Variants in GPR135 observed in about 807,000 individuals in gnomAD.
GPR135 encodes G-protein coupled receptor 135.
GPR135 carries 17 observed loss-of-function variants against 15.0 expected under a neutral mutation model. That is an observed-to-expected ratio of 1.13 (90% CI 0.78 to 1.70). The LOEUF is 1.70. Among genes scored for constraint, GPR135 ranks in the 40% most tolerant of loss-of-function variants. The pLI is 0.00. For synonymous variants in GPR135, 368 were observed against 349.4 expected, an observed-to-expected ratio of 1.05 and a Z score of -0.59; for missense variants, 776 against 727.0, an observed-to-expected ratio of 1.07 and a Z score of -0.78.
chr14:59,454,792 A>G (rs1888599899), intron 6 of GPR135, among the ~76,000 whole-genome samples: 1 of 152,144 alleles, frequency 6.6e-6, no homozygotes. Flanking sequence ...TTCAGGTTGG[A>G]TGAGAGGAGC....
rs2139774969 is a variant in GPR135, at chr14:59,463,684, C to G, written c.*58G>C. 3.4e-6 allele frequency: 5 copies of G among 1,457,190 alleles called. No individual in the cohort carries two copies. In the East Asian group the frequency reaches 1.2e-4, roughly 34 times the overall value. 90.3% of individuals were successfully genotyped at this position (1,457,190 alleles called of 1,614,324 possible). A position where few individuals can be genotyped will look rare whatever the true frequency, so the allele number is the denominator to read the frequency against. The stretch of plus-strand genomic sequence containing the variant: ...ATCCACAACTCTCCCCCAGAATCTT[C>G]CATCATTAAATAATGCGAGTGGAAA... On this transcript the variant is annotated 3_prime_UTR_variant, in exon 1 of 1. Transcript: ENST00000395116.
At chr14:59,457,351 T>C (rs568767122), downstream of GPR135, among the ~76,000 whole-genome samples, 1 of 152,202 alleles carries the variant, frequency 6.6e-6, no homozygotes, top group South Asian at 2.1e-4. Flanking sequence ...TGTAGATTAA[T>C]TTTTTTAAGA....
Position 59,463,566 on chromosome 14 carries a change from G to T in GPR135, c.*176C>A. 3.2e-6 allele frequency: 2 copies of T among 626,566 alleles called. No individual in the cohort carries two copies. Among genetic ancestry groups the T allele is most frequent in the Non-Finnish European group, 5.3e-6 (2 of 376,580 alleles). 38.8% of individuals were successfully genotyped at this position (626,566 alleles called of 1,614,324 possible). On this transcript the variant is annotated 3_prime_UTR_variant, in exon 1 of 1. Transcript: ENST00000395116. ...AATTTTTGCATTTTACATTCCTTTT[G>T]GCACTTTTGAAGAAGGGACATTGTC...
In GPR135 at chr14:59,465,149, C is replaced by CGCGGAGGGGGCGCCGGAGTGCTGGCT. The variant is rs1297143238; in HGVS notation, c.52_77dup (p.Gly28SerfsTer37). On this transcript the variant is annotated frameshift_variant, in exon 1 of 1. Coordinates refer to ENST00000395116, the MANE Select transcript of GPR135 (RefSeq NM_022571.6). LOFTEE classifies it high-confidence loss of function. ...AGGAAGTCCCGCCAGGTGGGCCGGC[C>CGCGGAGGGGGCGCCGGAGTGCTGGCT]GCGGAGGGGGCGCCGGAGTGCTGGC... 1 of 1,347,362 alleles carries CGCGGAGGGGGCGCCGGAGTGCTGGCT rather than the reference C, an allele frequency of 7.4e-7. No individual in the cohort carries two copies. Among genetic ancestry groups the CGCGGAGGGGGCGCCGGAGTGCTGGCT allele is most frequent in the Non-Finnish European group, 9.5e-7 (1 of 1,050,766 alleles). 83.5% of individuals were successfully genotyped at this position (1,347,362 alleles called of 1,614,324 possible).
At position 59,463,639 on chromosome 14, in the gene GPR135, TA is replaced by T; in HGVS notation, c.*102del. On this transcript the variant is annotated 3_prime_UTR_variant, in exon 1 of 1. Coordinates refer to ENST00000395116, the MANE Select transcript of GPR135 (RefSeq NM_022571.6). The stretch of plus-strand genomic sequence containing the variant: ...GGTAAGCCTCCCCCGTCTCTAGCTT[TA>T]AATGTTTGGCTTTATGAAATCCACA... 8.7e-7 allele frequency: 1 copy of T among 1,145,872 alleles called. No individual in the cohort carries two copies. Among genetic ancestry groups the T allele is most frequent in the Non-Finnish European group, 1.2e-6 (1 of 819,936 alleles). The allele number at this position is 1,145,872 out of a possible 1,614,324, so 71.0% of individuals were successfully genotyped here. A position where few individuals can be genotyped will look rare whatever the true frequency, so the allele number is the denominator to read the frequency against.
chr14:59,454,007 T>TG (rs1888572421), intron 6 of GPR135, among the ~76,000 whole-genome samples: 1 of 152,088 alleles, frequency 6.6e-6, no homozygotes, highest in Admixed American at 6.5e-5. Flanking sequence ...GGGCCAACTA[T>TG]GATGTGATAA....
At position 59,462,760 on chromosome 14, in the gene GPR135, G is replaced by T. The variant is rs1888913629; in HGVS notation, c.*982C>A. On this transcript the variant is annotated 3_prime_UTR_variant, in exon 1 of 1. Coordinates refer to ENST00000395116, the MANE Select transcript of GPR135 (RefSeq NM_022571.6). The stretch of plus-strand genomic sequence containing the variant: ...AAACCCAACCTTGTTGTTTTATAGA[G>T]GTCTCATTTTAAAAAATAATAAAAA... The T allele has an allele frequency of 6.6e-6, 1 of 152,032 alleles. No individual in the cohort carries two copies. Among genetic ancestry groups the T allele is most frequent in the South Asian group, 2.1e-4 (1 of 4,816 alleles). 9.4% of individuals were successfully genotyped at this position (152,032 alleles called of 1,614,324 possible). A position where few individuals can be genotyped will look rare whatever the true frequency, so the allele number is the denominator to read the frequency against.
At chr14:59,457,541 C>T (rs1284284385), downstream of GPR135, among the ~76,000 whole-genome samples, 1 of 152,068 alleles carries the variant, frequency 6.6e-6, no homozygotes, top group Non-Finnish European at 1.5e-5. Flanking sequence ...CTTACATAAT[C>T]TCTATTGAAC....
Position 59,463,990 on chromosome 14 carries a change from C to T in GPR135, c.1237G>A (p.Ala413Thr). The T allele has an allele frequency of 9.3e-6, 15 of 1,614,004 alleles. No individual in the cohort carries two copies. Among genetic ancestry groups the T allele is most frequent in the South Asian group, 4.4e-5 (4 of 91,090 alleles). The part of the protein sequence containing the change: ...EEGYRTRNVD[A>T]FLPSQGPGLQ... Reference sequence around the variant, plus strand: ...CCCGGGCCCTGGCTGGGCAGGAAAGCGTCCACATTCCTAGTCCGGTAGCCC... The same window carrying T: ...CCCGGGCCCTGGCTGGGCAGGAAAGTGTCCACATTCCTAGTCCGGTAGCCC... The change falls in exon 1 of 1, where the codon GCT (alanine) becomes ACT (threonine). Residue 413 changes from alanine to threonine, a missense_variant. Coordinates refer to ENST00000395116, the MANE Select transcript of GPR135 (RefSeq NM_022571.6).
Position 59,464,674 on chromosome 14 carries a change from C to T in GPR135, c.553G>A (p.Ala185Thr), listed in dbSNP as rs759264675. The T allele has an allele frequency of 3.2e-6, 5 of 1,584,170 alleles. No homozygotes were observed. Among genetic ancestry groups the T allele is most frequent in the Non-Finnish European group, 4.3e-6 (5 of 1,171,226 alleles). ...AAAGPWRGFC[A>T]ASRFFSSCFG... ...CACGAGCTGAAGAAGCGGCTGGCGGCGCAGAAGCCGCGCCAGGGCCCCGCG... is the reference window on the plus strand; with the variant it reads ...CACGAGCTGAAGAAGCGGCTGGCGGTGCAGAAGCCGCGCCAGGGCCCCGCG... Residue 185 changes from alanine (A) to threonine (T), a missense_variant, in exon 1 of 1, where the codon GCC becomes ACC. By Grantham distance (58) the Ala-to-Thr change is moderately conservative. Transcript: ENST00000395116.
downstream of GPR135, chr14:59,456,477 T>G (rs1319202491): frequency 6.6e-6 from 1 of 152,212 alleles, no homozygotes; most frequent in East Asian, 1.9e-4. Context: ...CTAAAATCAC[T>G]CTATTGGCAA....
In GPR135 at chr14:59,464,920, CT is replaced by C. The variant is rs1889073845; in HGVS notation, c.306del (p.Val103TrpfsTer22). ...EAAPLLSHGA[A>X]VAAQALVLLL... Reference sequence around the variant, plus strand: ...AGGAGGACGAGCGCCTGGGCCGCCACTGCAGCTCCGTGCGACAGCAGCGGCG... The same window carrying C: ...AGGAGGACGAGCGCCTGGGCCGCCACGCAGCTCCGTGCGACAGCAGCGGCG... On this transcript the variant is annotated frameshift_variant, in exon 1 of 1. Transcript: ENST00000395116. LOFTEE classifies it high-confidence loss of function. 3.1e-6 allele frequency: 5 copies of C among 1,591,606 alleles called. No individual in the cohort carries two copies. Among genetic ancestry groups the C allele is most frequent in the Non-Finnish European group, 4.3e-6 (5 of 1,171,418 alleles).
rs1186188742 is a variant in GPR135 at position 59,461,373 on chromosome 14, T to C, written c.*2369A>G. 1 of 152,190 alleles carries C rather than the reference T, an allele frequency of 6.6e-6. No individual in the cohort carries two copies. The highest frequency in any genetic ancestry group is 6.5e-5 in the Admixed American group (1 of 15,282). The allele number at this position is 152,190 out of a possible 1,614,324, so 9.4% of individuals were successfully genotyped here. The stretch of plus-strand genomic sequence containing the variant: ...ACTAAATAGTTGGATAGCCTTGGAT[T>C]AAAAACAAACAATTTAGAGCATTGT... On this transcript the variant is annotated 3_prime_UTR_variant, in exon 1 of 1. Transcript: ENST00000395116.
Position 59,464,472 on chromosome 14 carries a change from TC to T in GPR135, c.754del (p.Glu252AsnfsTer63). Reference protein sequence around the residue: ...LPWELLGAPRELAAAQSFHGC... With the variant: ...LPWELLGAPRXLAAAQSFHGC... ...GTGGAAGCTCTGCGCCGCCGCGAGT[TC>T]CCGGGGCGCCCCGAGCAGCTCCCAG... is the stretch of plus-strand genomic sequence containing the variant. On this transcript the variant is annotated frameshift_variant, in exon 1 of 1. Transcript: ENST00000395116. LOFTEE classifies it high-confidence loss of function. 1 of 1,545,856 alleles carries T rather than the reference TC, an allele frequency of 6.5e-7. No individual in the cohort carries two copies.
rs1325243776 is a variant in GPR135 at position 59,465,144 on chromosome 14, C to T, written c.83G>A (p.Gly28Asp). The T allele has an allele frequency of 1.5e-6, 2 of 1,354,080 alleles. No homozygotes were observed. The highest frequency in any genetic ancestry group is 1.9e-6 in the Non-Finnish European group (2 of 1,053,922). The allele number at this position is 1,354,080 out of a possible 1,614,324, so 83.9% of individuals were successfully genotyped here. A position where few individuals can be genotyped will look rare whatever the true frequency, so the allele number is the denominator to read the frequency against. The change falls in exon 1 of 1, where the codon GGC becomes GAC. Residue 28 changes from glycine (G) to aspartate (D), a missense_variant. By Grantham distance (94) the Gly-to-Asp change is moderately conservative. Transcript: ENST00000395116. ...CGCGGAGGAAGTCCCGCCAGGTGGG[C>T]CGGCCGCGGAGGGGGCGCCGGAGTG... ...SQHSGAPSAA[G>D]PPGGTSSAAT...
downstream of GPR135, among the ~76,000 whole-genome samples, chr14:59,457,696 C>T (rs1888705697): frequency 6.6e-6 from 1 of 152,058 alleles, no homozygotes; most frequent in South Asian, 2.1e-4. Flanking sequence ...CTTTATTAAT[C>T]TCTATTGATG....
In GPR135 at chr14:59,462,614, C is replaced by A. The variant is rs897902377; in HGVS notation, c.*1128G>T. The A allele has an allele frequency of 2.6e-5, 4 of 152,114 alleles. No homozygotes were observed. Among genetic ancestry groups the A allele is most frequent in the Non-Finnish European group, 1.5e-5 (1 of 68,006 alleles). 9.4% of individuals were successfully genotyped at this position (152,114 alleles called of 1,614,324 possible). A position where few individuals can be genotyped will look rare whatever the true frequency, so the allele number is the denominator to read the frequency against. On this transcript the variant is annotated 3_prime_UTR_variant, in exon 1 of 1. Transcript: ENST00000395116. ...AAAAAATACAAAATATACCAAATTT[C>A]TAAATGTAGGAGGGTATGATCTATT...
At position 59,464,865 on chromosome 14, in the gene GPR135, T is replaced by C. The variant is rs1385871561; in HGVS notation, c.362A>G (p.Asn121Ser). ...CACAATCACCCCCATCACCGCGCAG[T>C]TGCCAAGGCTAGACAGCAGGAAGAT... ...LLIFLLSSLG[N>S]CAVMGVIVKH... The change falls in exon 1 of 1, where the codon AAC becomes AGC. Residue 121 changes from asparagine to serine, a missense_variant. Physicochemically the swap from Asn to Ser is conservative, Grantham distance 46 (BLOSUM62 1). Coordinates refer to ENST00000395116, the MANE Select transcript of GPR135 (RefSeq NM_022571.6). 4 of 1,605,444 alleles carry C rather than the reference T, an allele frequency of 2.5e-6. No individual in the cohort carries two copies. Among genetic ancestry groups the C allele is most frequent in the African/African-American group, 2.7e-5 (2 of 74,774 alleles).
Position 59,464,642 on chromosome 14 carries a change from G to T in GPR135, c.585C>A (p.Gly195=). 6.3e-7 allele frequency: 1 copy of T among 1,597,344 alleles called. No homozygotes were observed. Residue 195 remains glycine (G), a synonymous_variant, in exon 1 of 1, where the codon GGC becomes GGA. Transcript: ENST00000395116. The part of the protein sequence containing the change: ...AASRFFSSCF[G]IVSTLSVALI... ...GCGCCACGCTGAGCGTGGACACGAT[G>T]CCGAAGCACGAGCTGAAGAAGCGGC...
Sources: gnomAD v4.1 joint callset for allele counts (sites outside exome capture counted in the v4.1 genomes callset) on GRCh38, gnomAD v4.1.1 for gene constraint, MANE v1.5 for transcripts, NCBI Gene and HGNC (gene_info 2026-07-23, HGNC 2026-07-21) for gene names.